DCP2: variants seen among roughly 807,000 people sequenced by gnomAD.
The protein encoded by DCP2 is decapping mRNA 2, also known as m7GpppN-mRNA hydrolase.
A neutral mutation model predicts 56.1 loss-of-function variants in DCP2; 30 were observed. The observed-to-expected ratio is 0.53, with a 90% CI of 0.40 to 0.73. The LOEUF (loss-of-function observed/expected upper bound fraction) is 0.73, where lower values mean the gene tolerates loss of function less well. Among genes scored for constraint, DCP2 ranks in the 30% least tolerant of loss-of-function variants. The pLI is 0.00. For synonymous variants in DCP2, 197 were observed against 163.3 expected (o/e 1.21, Z -1.57); for missense variants, 533 against 502.7 (o/e 1.06, Z -0.58).
At chr5:113,001,767 G>T in intron 7 of DCP2, 93 bp downstream of exon 7, 1 of 1,208,900 alleles carries the variant, frequency 8.3e-7, no homozygotes, top group Non-Finnish European at 1.2e-6. Context: ...GAGGATGTAA[G>T]ATTTCTTTTT....
chr5:112,977,360 A>G (rs562428279), intron 1 of DCP2, among the ~76,000 whole-genome samples: 10 of 151,652 alleles, frequency 6.6e-5, no homozygotes, highest in African/African-American at 1.9e-4. Flanking sequence ...CACGCCGTGC[A>G]CCCCCTCCTC....
At chr5:113,012,817 T>C (rs2150193593) in intron 10 of DCP2, among the ~76,000 whole-genome samples, 1 of 151,910 alleles carries the variant, frequency 6.6e-6, no homozygotes, top group East Asian at 1.9e-4. Context: ...CTAATTTTTG[T>C]ATTTTTAGTA....
chr5:112,991,396 G>T (rs1417607711), intron 2 of DCP2, among the ~76,000 whole-genome samples: 1 of 152,116 alleles, frequency 6.6e-6, no homozygotes, highest in Non-Finnish European at 1.5e-5. Flanking sequence ...TCAGGGTTTG[G>T]ATTTTACTTA....
At chr5:112,978,205 G>A (rs1747816287) in intron 1 of DCP2, among the ~76,000 whole-genome samples, 1 of 152,152 alleles carries the variant, frequency 6.6e-6, no homozygotes, top group South Asian at 2.1e-4. Context: ...TCGAACTTCT[G>A]ACCTCGTGAT....
intron 1 of DCP2, among the ~76,000 whole-genome samples, chr5:112,978,484 GC>G (rs1325595094): frequency 2.0e-5 from 3 of 152,118 alleles, no homozygotes; most frequent in Non-Finnish European, 4.4e-5. Flanking sequence ...CAGTGCCTGT[GC>G]TTTTTCTCTC....
chr5:113,002,446 C>G (rs1749223343), intron 7 of DCP2, among the ~76,000 whole-genome samples: 1 of 151,036 alleles, frequency 6.6e-6, no homozygotes, highest in Non-Finnish European at 1.5e-5. Context: ...AAAATTGTGT[C>G]AGAGATTGTG....
chr5:112,979,645 G>T (rs1040694711), intron 1 of DCP2, among the ~76,000 whole-genome samples: 3 of 152,164 alleles, frequency 2.0e-5, no homozygotes, highest in African/African-American at 4.8e-5. Flanking sequence ...GCCTTTTGAT[G>T]TGGAGAGCAG....
At chr5:112,977,442 G>A (rs1747769641) in intron 1 of DCP2, among the ~76,000 whole-genome samples, 1 of 152,152 alleles carries the variant, frequency 6.6e-6, no homozygotes, top group Non-Finnish European at 1.5e-5. Context: ...TCCCAGGTAC[G>A]CGGACCTGCG....
rs1206828479 is a variant in DCP2, at chr5:113,013,572, T to C, written c.*88T>C. On this transcript the variant is annotated 3_prime_UTR_variant, in exon 11 of 11. Transcript: ENST00000389063. ...CCTCAAGCCTTACCTTTCTCAGGTG[T>C]TTTAAAGAAATGCAGGGAGGCAATG... 1 of 1,477,830 alleles carries C rather than the reference T, an allele frequency of 6.8e-7. No individual in the cohort carries two copies. Among genetic ancestry groups the C allele is most frequent in the East Asian group, 2.3e-5 (1 of 44,052 alleles). 91.5% of individuals were successfully genotyped at this position (1,477,830 alleles called of 1,614,324 possible).
intron 8 of DCP2, among the ~76,000 whole-genome samples, chr5:113,007,061 T>G (rs776294187): frequency 1.3e-5 from 2 of 151,810 alleles, no homozygotes; most frequent in African/African-American, 4.8e-5. Flanking sequence ...TCGCTTGAAC[T>G]TGGGAGGTGG....
chr5:112,985,216 T>A (rs998442209), intron 1 of DCP2, among the ~76,000 whole-genome samples: 1 of 152,194 alleles, frequency 6.6e-6, no homozygotes, highest in African/African-American at 2.4e-5. Context: ...TAATTACATA[T>A]GTGTACATGC....
chr5:113,003,998 A>G lies in DCP2; in HGVS notation c.863A>G (p.Gln288Arg). The change falls in exon 8 of 11, where the codon CAG (glutamine) becomes CGG (arginine). Residue 288 changes from glutamine to arginine, a missense_variant. Gln to Arg is a conservative substitution (Grantham distance 43). Around this residue, in one of 3 missense-constraint regions of DCP2, gnomAD observed 392 missense variants for 346.6 expected, o/e 1.13. Coordinates refer to ENST00000389063, the MANE Select transcript of DCP2 (RefSeq NM_152624.6). ...QLFPDGSPGD[Q>R]WVKHRQPLQQ... is the part of the protein sequence containing the mutation. ...TTTCCTGACGGTTCTCCTGGTGACC[A>G]GTGGGTAAAGCACAGGCAACCACTG... 6.2e-7 allele frequency: 1 copy of G among 1,614,184 alleles called. No homozygotes were observed. The highest frequency in any genetic ancestry group is 8.5e-7 in the Non-Finnish European group (1 of 1,180,004).
At chr5:112,999,302 T>G (rs971432968) in intron 4 of DCP2, among the ~76,000 whole-genome samples, 1 of 152,150 alleles carries the variant, frequency 6.6e-6, no homozygotes, top group African/African-American at 2.4e-5. Context: ...TTAAGAAACA[T>G]ATAAAAATTA....
chr5:113,005,145 C>CGTGTGGGTGTGTGGGT (rs1554101190), intron 8 of DCP2, among the ~76,000 whole-genome samples: 3 of 5,544 alleles, frequency 5.4e-4, no homozygotes, highest in African/African-American at 1.6e-3. Flanking sequence ...AAAAAGTGTG[C>CGTGTGGGTGTGTGGGT]GTGTGGGTGT....
At chr5:112,984,984 A>T (rs1748204605) in intron 1 of DCP2, among the ~76,000 whole-genome samples, 1 of 151,910 alleles carries the variant, frequency 6.6e-6, no homozygotes, top group South Asian at 2.1e-4. Flanking sequence ...TGATTAAGCA[A>T]GTGATCAAAC....
At chr5:112,990,598 T>A (rs1051046166) in intron 2 of DCP2, among the ~76,000 whole-genome samples, 1 of 152,148 alleles carries the variant, frequency 6.6e-6, no homozygotes, top group South Asian at 2.1e-4. Flanking sequence ...GAGATTAACT[T>A]TGCGCTTGTC....
In DCP2 at chr5:113,016,555, A is replaced by G. The variant is rs1010149715; in HGVS notation, c.*3071A>G. On this transcript the variant is annotated 3_prime_UTR_variant, in exon 11 of 11. Transcript: ENST00000389063. The stretch of plus-strand genomic sequence containing the variant: ...TGGTACTTTTCCTTATTAAGGCTTT[A>G]GTAATTTGTATGTAATGTCAAATAA... 1 of 152,244 alleles carries G rather than the reference A, an allele frequency of 6.6e-6. No homozygotes were observed. The highest frequency in any genetic ancestry group is 1.5e-5 in the Non-Finnish European group (1 of 68,044). The allele number at this position is 152,244 out of a possible 1,614,324, so 9.4% of individuals were successfully genotyped here.
chr5:113,014,820 A>C lies in DCP2; in HGVS notation c.*1336A>C, dbSNP rs1749816375. On this transcript the variant is annotated 3_prime_UTR_variant, in exon 11 of 11. Coordinates refer to ENST00000389063, the MANE Select transcript of DCP2 (RefSeq NM_152624.6). ...TCCTTTTTTACAGTGGTATCCACAA[A>C]ATACTTCTCTGCTTATAAATGTTAT... is the stretch of plus-strand genomic sequence containing the variant. The C allele has an allele frequency of 6.6e-6, 1 of 152,618 alleles. No individual in the cohort carries two copies. The highest frequency in any genetic ancestry group is 6.5e-5 in the Admixed American group (1 of 15,280). The allele number at this position is 152,618 out of a possible 1,614,324, so 9.5% of individuals were successfully genotyped here. A position where few individuals can be genotyped will look rare whatever the true frequency, so the allele number is the denominator to read the frequency against.
chr5:113,006,159 A>C (rs1017428365), intron 8 of DCP2, among the ~76,000 whole-genome samples: 1 of 151,874 alleles, frequency 6.6e-6, no homozygotes, highest in East Asian at 1.9e-4. Flanking sequence ...ATGCTACAAT[A>C]TGGGTAAACC....
Sources: allele counts gnomAD v4.1 joint callset (sites outside exome capture counted in the v4.1 genomes callset), GRCh38; gene constraint gnomAD v4.1.1; regional missense constraint gnomAD v4.1.1; transcripts MANE v1.5; gene names NCBI Gene and HGNC (gene_info 2026-07-23, HGNC 2026-07-21).